PRKCA: variants seen among roughly 807,000 people sequenced by gnomAD.
PRKCA encodes protein kinase C alpha type.
A neutral mutation model predicts 87.0 loss-of-function variants in PRKCA; 27 were observed. The ratio of observed to expected loss-of-function variants is 0.31; its 90% confidence interval spans 0.23 to 0.43. The LOEUF (loss-of-function observed/expected upper bound fraction) is 0.43, where lower values mean the gene tolerates loss of function less well. Among genes scored for constraint, PRKCA ranks in the 20% least tolerant of loss-of-function variants. The pLI, the probability that PRKCA is intolerant of heterozygous loss-of-function variation, is 1.00. For missense variants in PRKCA, 518 were observed against 852.3 expected, an observed-to-expected ratio of 0.61 and a Z score of 4.88; for synonymous variants, 329 against 311.1, an observed-to-expected ratio of 1.06 and a Z score of -0.61.
At chr17:66,479,666 A>T (rs1915689841) in intron 2 of PRKCA, among the ~76,000 whole-genome samples, 1 of 152,238 alleles carries the variant, frequency 6.6e-6, no homozygotes, top group Admixed American at 6.5e-5. Flanking sequence ...ATGGAATACT[A>T]TGCAGCCATA....
chr17:66,351,632 C>T (rs950083397), intron 2 of PRKCA, among the ~76,000 whole-genome samples: 1 of 152,128 alleles, frequency 6.6e-6, no homozygotes, highest in Non-Finnish European at 1.5e-5. Context: ...AAGCTATTCT[C>T]CTGGGGTTAT....
intron 2 of PRKCA, among the ~76,000 whole-genome samples, chr17:66,378,038 C>T (rs1394116730): frequency 3.9e-5 from 6 of 152,108 alleles, no homozygotes; most frequent in Non-Finnish European, 7.4e-5. Flanking sequence ...AAAGGTTCTT[C>T]TAGGCTGGGT....
intron 2 of PRKCA, among the ~76,000 whole-genome samples, chr17:66,322,315 T>C (rs1013883428): frequency 5.9e-5 from 9 of 152,222 alleles, no homozygotes; most frequent in Admixed American, 5.9e-4. Flanking sequence ...CACTGTTTAG[T>C]ATGGTAGCCA....
intron 8 of PRKCA, among the ~76,000 whole-genome samples, chr17:66,691,012 A>G (rs1202209060): frequency 2.6e-5 from 4 of 151,610 alleles, no homozygotes; most frequent in Admixed American, 6.6e-5. Context: ...GCATGCACCC[A>G]TAATCCTAGC....
intron 13 of PRKCA, among the ~76,000 whole-genome samples, chr17:66,769,065 CT>C (rs1974873334): frequency 1.3e-5 from 2 of 152,130 alleles, no homozygotes; most frequent in African/African-American, 4.8e-5. Flanking sequence ...AGCTCTTGAT[CT>C]TTTAGACTGA....
At chr17:66,400,232 A>C (rs1910940317) in intron 2 of PRKCA, among the ~76,000 whole-genome samples, 1 of 151,950 alleles carries the variant, frequency 6.6e-6, no homozygotes, top group African/African-American at 2.4e-5. Context: ...GCTCACTGCA[A>C]CCTCCACCTC....
intron 12 of PRKCA, 40 bp downstream of exon 12, chr17:66,741,761 G>A (rs750442046): frequency 6.3e-7 from 1 of 1,591,960 alleles, no homozygotes; most frequent in Non-Finnish European, 8.6e-7. Flanking sequence ...TCAGCAGAGA[G>A]GTTAGCTGGG....
At chr17:66,739,128 C>A (rs1003031217) in intron 11 of PRKCA, among the ~76,000 whole-genome samples, 4 of 152,120 alleles carry the variant, frequency 2.6e-5, no homozygotes, top group Admixed American at 1.3e-4. Context: ...GCTGTCTGCC[C>A]ACCTCGGCCT....
At chr17:66,728,820 AG>A (rs1973816968) in intron 8 of PRKCA, among the ~76,000 whole-genome samples, 1 of 152,238 alleles carries the variant, frequency 6.6e-6, no homozygotes, top group Non-Finnish European at 1.5e-5. Context: ...GGAATGTCAG[AG>A]GAGTCCAGCA....
chr17:66,407,219 AC>A (rs1911466473), intron 2 of PRKCA, among the ~76,000 whole-genome samples: 1 of 151,998 alleles, frequency 6.6e-6, no homozygotes, highest in South Asian at 2.1e-4. Flanking sequence ...CTCATGTGGA[AC>A]TGTGATCCGC....
At chr17:66,502,586 A>G (rs1389705537) in intron 3 of PRKCA, among the ~76,000 whole-genome samples, 1 of 152,026 alleles carries the variant, frequency 6.6e-6, no homozygotes, top group East Asian at 1.9e-4. Context: ...GCTACAAAGC[A>G]GCACTTTGAC....
At chr17:66,409,030 T>A (rs1911597782) in intron 2 of PRKCA, among the ~76,000 whole-genome samples, 3 of 32,714 alleles carry the variant, frequency 9.2e-5, no homozygotes, top group South Asian at 1.3e-3. Flanking sequence ...CCCTCCCCAG[T>A]CTCAAAAAAA....
At chr17:66,355,393 C>G (rs1469872851) in intron 2 of PRKCA, among the ~76,000 whole-genome samples, 1 of 152,130 alleles carries the variant, frequency 6.6e-6, no homozygotes, top group Non-Finnish European at 1.5e-5. Flanking sequence ...AGTTTTGCAC[C>G]TGCTTGTGCA....
At position 66,587,410 on chromosome 17, in the gene PRKCA, CTTG is replaced by C. The variant is rs368424337; in HGVS notation, c.289-53942_289-53940del. Among the ~76,000 whole-genome samples the C allele has an allele frequency of 2.8e-4, 43 of 152,158 alleles. 1 individual carries two copies. In the East Asian group the frequency reaches 7.4e-3, roughly 26 times the overall value. On this transcript the variant is annotated intron_variant, in intron 3 of 16. Coordinates refer to ENST00000413366, the MANE Select transcript of PRKCA (RefSeq NM_002737.3). Reference sequence around the variant, plus strand: ...TTACACTCTACAGATTCGTTTGAAACTTGTTTTCTGTCCAACCTGATAGATTTG... The same window carrying C: ...TTACACTCTACAGATTCGTTTGAAACTTTTCTGTCCAACCTGATAGATTTG...
chr17:66,632,888 C>T (rs1971059345), intron 3 of PRKCA, among the ~76,000 whole-genome samples: 1 of 152,148 alleles, frequency 6.6e-6, no homozygotes, highest in Admixed American at 6.5e-5. Flanking sequence ...CAGCATCTTG[C>T]ATAGCTGGGC....
rs536411779 is a variant in PRKCA, at chr17:66,312,732, C to CTTT, written c.205+6623_205+6625dup. ...CTACATGTTCTTCCTATCGTAGGAC[C>CTTT]TTTTTTTTTTTTTTTTTTTTGTGAG... is the stretch of plus-strand genomic sequence containing the variant. On this transcript the variant is annotated intron_variant, in intron 2 of 16. Transcript: ENST00000413366. Among the ~76,000 whole-genome samples, 592 of 106,364 alleles carry CTTT rather than the reference C, an allele frequency of 5.6e-3. 19 individuals are homozygous for CTTT. The highest frequency in any genetic ancestry group is 9.3e-3 in the East Asian group (33 of 3,546). 69.8% of individuals were successfully genotyped at this position (106,364 alleles called of 152,430 possible).
chr17:66,643,300 C>T (rs1971358766), intron 4 of PRKCA, among the ~76,000 whole-genome samples: 1 of 152,110 alleles, frequency 6.6e-6, no homozygotes, highest in Admixed American at 6.5e-5. Flanking sequence ...GACACGGTTC[C>T]TGTTTGTACT....
intron 2 of PRKCA, among the ~76,000 whole-genome samples, chr17:66,458,706 C>G (rs1277807049): frequency 2.0e-5 from 3 of 152,102 alleles, no homozygotes; most frequent in Non-Finnish European, 4.4e-5. Flanking sequence ...GTCTCAAACT[C>G]CTGAGCTCAG....
intron 3 of PRKCA, among the ~76,000 whole-genome samples, chr17:66,562,357 T>C (rs1261548232): frequency 6.6e-6 from 1 of 151,546 alleles, no homozygotes; most frequent in Non-Finnish European, 1.5e-5. Flanking sequence ...GTCTACAGGA[T>C]TTTTGCCAGC....
Sources: allele counts gnomAD v4.1 joint callset (sites outside exome capture counted in the v4.1 genomes callset), GRCh38; gene constraint gnomAD v4.1.1; transcripts MANE v1.5; gene names NCBI Gene and HGNC (gene_info 2026-07-23, HGNC 2026-07-21).